CCDC186: variants seen among roughly 807,000 people sequenced by gnomAD.
CCDC186 encodes coiled-coil domain containing 186.
In CCDC186, 49 loss-of-function variants were observed where a neutral mutation model predicts 113.7. That is an observed-to-expected ratio of 0.43 (90% CI 0.34 to 0.55). The LOEUF is 0.55. Ranked by LOEUF, CCDC186 falls within the 20% of genes least tolerant of loss-of-function variation. CCDC186 has a pLI of 0.02. For synonymous variants in CCDC186, 355 were observed against 345.8 expected, an observed-to-expected ratio of 1.03 and a Z score of -0.30; for missense variants, 890 against 1,011.1, an observed-to-expected ratio of 0.88 and a Z score of 1.62.
chr10:114,135,243 G>C (rs1434896481), intron 9 of CCDC186, among the ~76,000 whole-genome samples, 188 bp from the exon 10 acceptor site: 1 of 152,104 alleles, frequency 6.6e-6, no homozygotes, highest in East Asian at 1.9e-4. Context: ...GGGAGTTTTA[G>C]CATGTCATTT....
At chr10:114,173,158 A>AT (rs1487758092) in intron 1 of CCDC186, 2 of 455,548 alleles carry the variant, frequency 4.4e-6, no homozygotes, top group Non-Finnish European at 4.4e-6. Flanking sequence ...TGTACTGCGT[A>AT]TTTTTACTAT....
intron 13 of CCDC186, among the ~76,000 whole-genome samples, chr10:114,128,096 A>C (rs2030967106): frequency 6.6e-6 from 1 of 152,190 alleles, no homozygotes; most frequent in Admixed American, 6.5e-5. Flanking sequence ...TAACTGTGTG[A>C]CTTTGGACAA....
At chr10:114,134,525 T>TA (rs1379203776) in intron 10 of CCDC186, among the ~76,000 whole-genome samples, 1 of 152,210 alleles carries the variant, frequency 6.6e-6, no homozygotes, top group African/African-American at 2.4e-5. Context: ...TAAATGGTTT[T>TA]ATAAGGAGCC....
rs1170943023 is a variant in CCDC186 at position 114,149,838 on chromosome 10, A to AAGGCAGGCAGGCAGGCAGGCAGGC, written c.888+1253_888+1254insGCCTGCCTGCCTGCCTGCCTGCCT. ...GAAGGCAGGAAGGCAGGAAGGCAGGAAGGCAGGCAGGCAGGCAGGAAGGCA... is the reference window on the plus strand; with the variant it reads ...GAAGGCAGGAAGGCAGGAAGGCAGGAAGGCAGGCAGGCAGGCAGGCAGGCAGGCAGGCAGGCAGGCAGGAAGGCA... On this transcript the variant is annotated intron_variant, in intron 4 of 15. Transcript: ENST00000369287. Among the ~76,000 whole-genome samples the AAGGCAGGCAGGCAGGCAGGCAGGC allele has an allele frequency of 8.9e-4, 96 of 107,746 alleles. 2 individuals carry two copies. The highest frequency in any genetic ancestry group is 1.0e-3 in the Non-Finnish European group (54 of 51,816). 70.7% of individuals were successfully genotyped at this position (107,746 alleles called of 152,430 possible).
intron 1 of CCDC186, among the ~76,000 whole-genome samples, chr10:114,172,535 G>T (rs937346929): frequency 4.6e-5 from 7 of 152,130 alleles, no homozygotes; most frequent in Non-Finnish European, 8.8e-5. Context: ...ACACACTATG[G>T]AATCTCCACT....
chr10:114,147,470 T>C (rs1030174987), intron 4 of CCDC186, among the ~76,000 whole-genome samples: 4 of 152,144 alleles, frequency 2.6e-5, no homozygotes, highest in Admixed American at 2.6e-4. Flanking sequence ...GAATTAAAAA[T>C]AGAGTGAATA....
chr10:114,130,010 A>T (rs774356755), intron 12 of CCDC186, 39 bp from the exon 13 acceptor site: 1 of 1,582,870 alleles, frequency 6.3e-7, no homozygotes, highest in South Asian at 1.1e-5. Flanking sequence ...AATTATCAGG[A>T]CCATTTGCTC....
intron 1 of CCDC186, among the ~76,000 whole-genome samples, chr10:114,165,164 T>C (rs1372522303): frequency 1.3e-5 from 2 of 152,230 alleles, no homozygotes; most frequent in Non-Finnish European, 2.9e-5. Flanking sequence ...ATACTCTACC[T>C]CTCTGTATAA....
rs1554927176 is a variant in CCDC186 at position 114,144,426 on chromosome 10, AAAAAAC to A, written c.1221+65_1221+70del. 2.6e-3 allele frequency: 3,961 copies of A among 1,539,866 alleles called. 10 individuals are homozygous for A. The highest frequency in any genetic ancestry group is 8.4e-3 in the South Asian group (673 of 80,570). ...GAAAGAGCGAGACTCCGTCTCAAAA[AAAAAAC>A]AAAAACAAAAACAAAAACAAAAAAA... On this transcript the variant is annotated intron_variant, in intron 6 of 15. Coordinates refer to ENST00000369287, the MANE Select transcript of CCDC186 (RefSeq NM_018017.4).
intron 7 of CCDC186, 84 bp from the exon 8 acceptor site, chr10:114,136,330 G>A (rs2031260886): frequency 9.2e-6 from 8 of 870,366 alleles, no homozygotes; most frequent in Admixed American, 2.1e-5. Context: ...TAATCCTAAT[G>A]TAGCATCATA....
At chr10:114,169,885 A>G (rs1234003925) in intron 1 of CCDC186, among the ~76,000 whole-genome samples, 1 of 152,158 alleles carries the variant, frequency 6.6e-6, no homozygotes, top group East Asian at 1.9e-4. Flanking sequence ...TTCTGGATAA[A>G]GCTAGCTACC....
intron 6 of CCDC186, among the ~76,000 whole-genome samples, chr10:114,142,467 G>A (rs567374107): frequency 3.3e-5 from 5 of 152,342 alleles, no homozygotes; most frequent in East Asian, 1.9e-4. Context: ...TCAGGTAGGT[G>A]AATAAGTAGC....
intron 1 of CCDC186, among the ~76,000 whole-genome samples, chr10:114,167,091 G>T (rs1349626535): frequency 6.7e-6 from 1 of 150,054 alleles, no homozygotes; most frequent in Non-Finnish European, 1.5e-5. Flanking sequence ...CGCGATCTCG[G>T]CTCACTGCAA....
chr10:114,147,801 A>G (rs1253038685), intron 4 of CCDC186, among the ~76,000 whole-genome samples: 1 of 152,148 alleles, frequency 6.6e-6, no homozygotes, highest in Non-Finnish European at 1.5e-5. Flanking sequence ...AAAATAATCA[A>G]AAAAAGACAG....
In CCDC186 at chr10:114,162,642, T is replaced by A. The variant is rs2032207791; in HGVS notation, c.627A>T (p.Ile209=). The change falls in exon 2 of 16, where the codon ATA becomes ATT. Residue 209 remains isoleucine, a synonymous_variant. Coordinates refer to ENST00000369287, the MANE Select transcript of CCDC186 (RefSeq NM_018017.4). ...TAAAGGTATAAAAAACTTACTTTTT[T>A]ATGATATGTTCCTGCTGCAAATATT... The part of the protein sequence containing the change: ...QDKYLQQEHI[I]KKLIKENKKH... 1.9e-6 allele frequency: 3 copies of A among 1,552,682 alleles called. No homozygotes were observed. The highest frequency in any genetic ancestry group is 1.4e-5 in the African/African-American group (1 of 72,134).
chr10:114,124,590 T>C lies in CCDC186; in HGVS notation c.*553A>G, dbSNP rs1361236432. 1 of 152,252 alleles carries C rather than the reference T, an allele frequency of 6.6e-6. No homozygotes were observed. The highest frequency in any genetic ancestry group is 1.5e-5 in the Non-Finnish European group (1 of 68,024). The allele number at this position is 152,252 out of a possible 1,614,324, so 9.4% of individuals were successfully genotyped here. On this transcript the variant is annotated 3_prime_UTR_variant, in exon 16 of 16. Coordinates refer to ENST00000369287, the MANE Select transcript of CCDC186 (RefSeq NM_018017.4). ...CTGATCATTGCTAGTTACCAAGAGC[T>C]AGCTTTCCTATTAAGTTCAGCTTTC... is the stretch of plus-strand genomic sequence containing the variant.
At chr10:114,141,371 T>C (rs1279594383) in intron 6 of CCDC186, among the ~76,000 whole-genome samples, 5 of 152,202 alleles carry the variant, frequency 3.3e-5, no homozygotes, top group Non-Finnish European at 5.9e-5. Flanking sequence ...CATAGTAAAT[T>C]TACTTGAAAC....
chr10:114,160,297 C>T (rs1000455414), intron 2 of CCDC186, among the ~76,000 whole-genome samples: 1 of 151,152 alleles, frequency 6.6e-6, no homozygotes, highest in Non-Finnish European at 1.5e-5. Flanking sequence ...TTGGTTGGAA[C>T]CTTAGACAGT....
At chr10:114,135,289 A>G (rs76550810) in intron 9 of CCDC186, among the ~76,000 whole-genome samples, 1 of 152,256 alleles carries the variant, frequency 6.6e-6, no homozygotes, top group East Asian at 1.9e-4. Flanking sequence ...TCACCTGAAA[A>G]AGAATATATC....
Sources: allele counts gnomAD v4.1 joint callset (sites outside exome capture counted in the v4.1 genomes callset), GRCh38; gene constraint gnomAD v4.1.1; transcripts MANE v1.5; gene names NCBI Gene and HGNC (gene_info 2026-07-23, HGNC 2026-07-21).